The following YJU2 variants were observed in gnomAD, a reference collection of about 807,000 sequenced individuals.
YJU2 encodes the protein YJU2 splicing factor homolog, also known as splicing factor YJU2.
YJU2 carries 28 observed loss-of-function variants against 39.6 expected under a neutral mutation model. That is an observed-to-expected ratio of 0.71 (90% CI 0.52 to 0.97). The LOEUF is 0.97. Among genes scored for constraint, YJU2 ranks in the 50% least tolerant of loss-of-function variants. The pLI, the probability that YJU2 is intolerant of heterozygous loss-of-function variation, is 0.00. For synonymous variants in YJU2, 184 were observed against 182.4 expected, an observed-to-expected ratio of 1.01 and a Z score of -0.07; for missense variants, 328 against 430.4, an observed-to-expected ratio of 0.76 and a Z score of 2.11.
intron 3 of YJU2, among the ~76,000 whole-genome samples, chr19:4,251,998 A>T (rs1417364371): frequency 6.6e-6 from 1 of 152,258 alleles, no homozygotes; most frequent in East Asian, 1.9e-4. Flanking sequence ...AAAAGAAAAA[A>T]AAAAGTAGCG....
chr19:4,262,262 G>C, intron 6 of YJU2, 148 bp downstream of exon 6: 2 of 803,452 alleles, frequency 2.5e-6, no homozygotes, highest in South Asian at 3.7e-5. Flanking sequence ...GCAGTGGCAC[G>C]ATCTTGGCTC....
chr19:4,267,653 C>T lies in YJU2; in HGVS notation c.738C>T (p.Val246=), dbSNP rs982889973. ...CAAAGCCCAAGAGGAAGGTGGAGGT[C>T]TGGGAGCAGAGCGTTGGCAGCCTGG... ...EAPKPKRKVE[V]WEQSVGSLGS... The change falls in exon 7 of 8, where the codon GTC becomes GTT. Residue 246 remains valine (V), a synonymous_variant. Coordinates refer to ENST00000262962, the MANE Select transcript of YJU2 (RefSeq NM_018074.6). 5.0e-6 allele frequency: 8 copies of T among 1,613,374 alleles called. No homozygotes were observed. The African/African-American group carries it at 9.3e-5, about 19-fold the overall frequency.
chr19:4,248,176 G>C (rs1010437311), intron 1 of YJU2: 1 of 152,308 alleles, frequency 6.6e-6, no homozygotes, highest in African/African-American at 2.4e-5. Context: ...GCCCCACGCA[G>C]GTCTTTCTAG....
intron 1 of YJU2, among the ~76,000 whole-genome samples, chr19:4,247,668 T>C (rs960097392): frequency 0.019 from 1,745 of 92,210 alleles, 213 homozygotes; most frequent in South Asian, 0.054. Context: ...TGTGTGTGTG[T>C]GTGTGTGTGT....
At chr19:4,258,153 C>A (rs192270695) in intron 4 of YJU2, 89 bp from the exon 5 acceptor site, 2 of 1,497,150 alleles carry the variant, frequency 1.3e-6, no homozygotes, top group Non-Finnish European at 1.8e-6. Flanking sequence ...GGGTTCCTCC[C>A]GTGGCCCGCA....
intron 3 of YJU2, among the ~76,000 whole-genome samples, chr19:4,253,074 T>A (rs10406032): frequency 0.41 from 62,832 of 151,654 alleles, 15,249 homozygotes; most frequent in African/African-American, 0.68. Context: ...CACAGTAAGA[T>A]ACTAAGGGTG....
intron 5 of YJU2, among the ~76,000 whole-genome samples, chr19:4,260,765 A>C (rs1339716387): frequency 1.3e-5 from 2 of 151,866 alleles, no homozygotes; most frequent in African/African-American, 4.8e-5. Context: ...TGGCCCCTTT[A>C]ATCTGTTTTA....
In YJU2 at chr19:4,258,421, C is replaced by A; in HGVS notation, c.585C>A (p.Thr195=). ...AGCAGGAGGAGGACGAGCAGGAGAC[C>A]GCGTGAGTCAGGGCCGGCCCAACCC... is the stretch of plus-strand genomic sequence containing the variant. ...RQQQEEDEQE[T]AALLEEARKR... Residue 195 remains threonine (T), a splice_region_variant and synonymous_variant, in exon 5 of 8, where the codon ACC becomes ACA. Coordinates refer to ENST00000262962, the MANE Select transcript of YJU2 (RefSeq NM_018074.6). 6.3e-7 allele frequency: 1 copy of A among 1,583,218 alleles called. No homozygotes were observed. The highest frequency in any genetic ancestry group is 8.6e-7 in the Non-Finnish European group (1 of 1,166,868).
At chr19:4,254,927 G>A (rs762455182) in intron 4 of YJU2, among the ~76,000 whole-genome samples, 11 of 151,796 alleles carry the variant, frequency 7.2e-5, no homozygotes, top group Non-Finnish European at 1.3e-4. Flanking sequence ...ATGGTGGCAC[G>A]CTTCTGGAAT....
At position 4,251,181 on chromosome 19, in the gene YJU2, A is replaced by G; in HGVS notation, c.270+10A>G. ...AGAGATCACCTTCAAGGTAGGTGAG[A>G]CGGCCGGCCAGGCCGGTCCCTCTCC... On this transcript the variant is annotated intron_variant, in intron 3 of 7. Coordinates refer to ENST00000262962, the MANE Select transcript of YJU2 (RefSeq NM_018074.6). 1 of 1,611,718 alleles carries G rather than the reference A, an allele frequency of 6.2e-7. No homozygotes were observed.
At chr19:4,256,490 G>A (rs901367545) in intron 4 of YJU2, among the ~76,000 whole-genome samples, 3 of 152,038 alleles carry the variant, frequency 2.0e-5, no homozygotes, top group African/African-American at 4.8e-5. Flanking sequence ...TGTGAATTTA[G>A]TTACCTCCAC....
At chr19:4,248,586 G>A (rs890440185) in intron 1 of YJU2, among the ~76,000 whole-genome samples, 1 of 152,202 alleles carries the variant, frequency 6.6e-6, no homozygotes, top group African/African-American at 2.4e-5. Context: ...GGGGAACTCG[G>A]TCTCCTGCCT....
chr19:4,250,894 C>T (rs1237135771), intron 2 of YJU2, 133 bp from the exon 3 acceptor site: 2 of 918,210 alleles, frequency 2.2e-6, no homozygotes, highest in African/African-American at 1.7e-5. Context: ...GTGGGGCAGC[C>T]TGCCTCTTGA....
chr19:4,252,362 G>T (rs1033417269), intron 3 of YJU2, among the ~76,000 whole-genome samples: 1 of 152,004 alleles, frequency 6.6e-6, no homozygotes, highest in Non-Finnish European at 1.5e-5. Context: ...ACTTTGGGAG[G>T]CTGAGGCAGG....
rs2144703060 is a variant in YJU2 at position 4,268,651 on chromosome 19, A to G, written c.927A>G (p.Gln309=). ...PLTPGASSLS[Q]LGAYLDSDDS... ...CGCCTGGCGCGTCCTCCCTGAGCCA[A>G]CTGGGTGCATACCTGGACAGTGACG... Residue 309 remains glutamine, a synonymous_variant, in exon 8 of 8, where the codon CAA becomes CAG. Coordinates refer to ENST00000262962, the MANE Select transcript of YJU2 (RefSeq NM_018074.6). 6.2e-7 allele frequency: 1 copy of G among 1,613,966 alleles called. No homozygotes were observed. Among genetic ancestry groups the G allele is most frequent in the Non-Finnish European group, 8.5e-7 (1 of 1,179,956 alleles).
intron 1 of YJU2, among the ~76,000 whole-genome samples, chr19:4,247,651 GTGTGTGTGTGTGTGTGTGT>G (rs1970940381): frequency 3.1e-4 from 22 of 70,094 alleles, no homozygotes; most frequent in Admixed American, 2.2e-3. Flanking sequence ...GTGTGTGTGT[GTGTGTGTGTGTGTGTGTGT>G]GTGTGTGTGT....
chr19:4,250,345 G>A (rs925447027), intron 2 of YJU2, among the ~76,000 whole-genome samples: 6 of 151,986 alleles, frequency 3.9e-5, no homozygotes, highest in African/African-American at 1.2e-4. Flanking sequence ...GGTCTGTGCC[G>A]AGCGCCAGGA....
In YJU2 at chr19:4,258,274, G is replaced by A; in HGVS notation, c.438G>A (p.Leu146=). Residue 146 remains leucine (L), a synonymous_variant, in exon 5 of 8, where the codon CTG becomes CTA. Transcript: ENST00000262962. ...VLENRTKDSK[L]EMEVLENLQE... Reference sequence around the variant, plus strand: ...AGAACCGGACCAAGGACTCCAAGCTGGAGATGGAGGTGCTGGAGAACCTCC... The same window carrying A: ...AGAACCGGACCAAGGACTCCAAGCTAGAGATGGAGGTGCTGGAGAACCTCC... 1 of 1,557,114 alleles carries A rather than the reference G, an allele frequency of 6.4e-7. No homozygotes were observed. The highest frequency in any genetic ancestry group is 8.7e-7 in the Non-Finnish European group (1 of 1,149,856).
At chr19:4,259,218 A>G (rs1008649337) in intron 5 of YJU2, among the ~76,000 whole-genome samples, 11 of 149,056 alleles carry the variant, frequency 7.4e-5, no homozygotes, top group Non-Finnish European at 1.3e-4. Context: ...AGCTGGGATT[A>G]GAGGCATCCG....
Sources: gnomAD v4.1 joint callset for allele counts (sites outside exome capture counted in the v4.1 genomes callset) on GRCh38, gnomAD v4.1.1 for gene constraint, MANE v1.5 for transcripts, NCBI Gene and HGNC (gene_info 2026-07-23, HGNC 2026-07-21) for gene names.